The following TNPO3 variants were observed in gnomAD, a reference collection of about 807,000 sequenced individuals.
TNPO3 encodes transportin-3.
A neutral mutation model predicts 122.8 loss-of-function variants in TNPO3; 65 were observed. The ratio of observed to expected loss-of-function variants is 0.53; its 90% CI spans 0.43 to 0.65. The LOEUF is 0.65. Among genes scored for constraint, TNPO3 ranks in the 30% least tolerant of loss-of-function variants. TNPO3 has a pLI of 0.00. For synonymous variants in TNPO3, 372 were observed against 411.2 expected (o/e 0.90, Z 1.15); for missense variants, 850 against 1,136.7 (o/e 0.75, Z 3.63).
intron 1 of TNPO3, among the ~76,000 whole-genome samples, chr7:129,021,354 CAAAA>C (rs577989041): frequency 3.0e-5 from 2 of 66,696 alleles, no homozygotes. Flanking sequence ...GACTCCGTCT[CAAAA>C]AAAAAAAAAA....
At chr7:129,044,084 T>C (rs998855957) in intron 1 of TNPO3, among the ~76,000 whole-genome samples, 1 of 152,256 alleles carries the variant, frequency 6.6e-6, no homozygotes, top group Non-Finnish European at 1.5e-5. Flanking sequence ...AGTATTGTAA[T>C]AACGCATTAA....
chr7:128,968,698 T>C (rs1252848724), intron 20 of TNPO3, among the ~76,000 whole-genome samples: 2 of 152,134 alleles, frequency 1.3e-5, no homozygotes, highest in African/African-American at 2.4e-5. Context: ...AAATACATAA[T>C]AGTTGTTATA....
chr7:129,049,307 C>A (rs1808424283), intron 1 of TNPO3, among the ~76,000 whole-genome samples: 1 of 152,124 alleles, frequency 6.6e-6, no homozygotes, highest in Admixed American at 6.6e-5. Flanking sequence ...ACCAAAAGAT[C>A]AAGGTCCCAG....
At chr7:129,031,884 G>T (rs1345848323) in intron 1 of TNPO3, among the ~76,000 whole-genome samples, 1 of 152,026 alleles carries the variant, frequency 6.6e-6, no homozygotes, top group Non-Finnish European at 1.5e-5. Flanking sequence ...ATGGGGTGTT[G>T]CTATGTTGCC....
chr7:129,029,198 G>T, intron 1 of TNPO3: 1 of 167,748 alleles, frequency 6.0e-6, no homozygotes, highest in South Asian at 1.4e-4. Context: ...GCAGATTCTG[G>T]GGATGCCCCC....
chr7:128,984,059 C>G, intron 13 of TNPO3, 109 bp downstream of exon 13: 1 of 575,434 alleles, frequency 1.7e-6, no homozygotes, highest in East Asian at 3.2e-5. Context: ...AGTGCATTTT[C>G]TTGGATTTTC....
chr7:129,034,477 GC>G (rs1274501689), intron 1 of TNPO3, among the ~76,000 whole-genome samples: 1 of 152,176 alleles, frequency 6.6e-6, no homozygotes, highest in Non-Finnish European at 1.5e-5. Flanking sequence ...CTGCATTCCA[GC>G]CTGGAAGACA....
At chr7:129,040,452 T>A (rs892203729) in intron 1 of TNPO3, among the ~76,000 whole-genome samples, 2 of 152,126 alleles carry the variant, frequency 1.3e-5, no homozygotes, top group Admixed American at 6.5e-5. Flanking sequence ...GGGGAATGAT[T>A]TACTGGGAAG....
At chr7:128,987,640 G>A (rs773946913) in intron 11 of TNPO3, among the ~76,000 whole-genome samples, 1 of 152,136 alleles carries the variant, frequency 6.6e-6, no homozygotes, top group Non-Finnish European at 1.5e-5. Context: ...GAGTACAGTG[G>A]CACGATCTCA....
intron 1 of TNPO3, among the ~76,000 whole-genome samples, chr7:129,038,524 T>G (rs968303520): frequency 6.6e-6 from 1 of 152,176 alleles, no homozygotes; most frequent in African/African-American, 2.4e-5. Context: ...TAAAGACACA[T>G]GCATGCAAAT....
chr7:128,972,047 T>C (rs1225060445), intron 19 of TNPO3, among the ~76,000 whole-genome samples: 6 of 152,182 alleles, frequency 3.9e-5, no homozygotes, highest in Admixed American at 3.9e-4. Flanking sequence ...TCCTGGCTAC[T>C]CAGTAGCTGA....
At chr7:128,988,473 C>T (rs529892949) in intron 11 of TNPO3, among the ~76,000 whole-genome samples, 3 of 152,308 alleles carry the variant, frequency 2.0e-5, no homozygotes, top group African/African-American at 7.2e-5. Flanking sequence ...ATAATGTAGA[C>T]TTCTGTGATT....
At chr7:128,964,070 T>C (rs558883028) in intron 21 of TNPO3, among the ~76,000 whole-genome samples, 1 of 152,086 alleles carries the variant, frequency 6.6e-6, no homozygotes, top group African/African-American at 2.4e-5. Flanking sequence ...AAAAAACTTA[T>C]GAAAAAATTT....
intron 14 of TNPO3, among the ~76,000 whole-genome samples, chr7:128,980,480 T>C (rs541769435): frequency 6.6e-6 from 1 of 152,224 alleles, no homozygotes; most frequent in East Asian, 1.9e-4. Context: ...TGGTGGCGCA[T>C]GCCTGTAATC....
intron 16 of TNPO3, among the ~76,000 whole-genome samples, chr7:128,977,517 C>G (rs74692543): frequency 8.2e-4 from 125 of 152,318 alleles, no homozygotes; most frequent in Non-Finnish European, 1.4e-3. Flanking sequence ...AGTACCAACA[C>G]CGCACCAGCA....
chr7:129,018,559 T>C (rs1804098769), intron 1 of TNPO3, among the ~76,000 whole-genome samples: 1 of 152,214 alleles, frequency 6.6e-6, no homozygotes, highest in South Asian at 2.1e-4. Flanking sequence ...TAAAGCTTTG[T>C]TCACTCTAAG....
chr7:129,055,741 C>T (rs1563117121), upstream of TNPO3: 1 of 328,328 alleles, frequency 3.0e-6, no homozygotes, highest in Non-Finnish European at 5.7e-6. Context: ...GCCTTTCTGT[C>T]CGAATCCAAT....
chr7:128,955,602 C>T (rs1440280565), intron 22 of TNPO3, among the ~76,000 whole-genome samples: 3 of 152,180 alleles, frequency 2.0e-5, no homozygotes, highest in Non-Finnish European at 4.4e-5. Context: ...CTGCAGTGTG[C>T]TTCCAATGCT....
At chr7:129,008,857 T>C (rs560093232) in intron 4 of TNPO3, among the ~76,000 whole-genome samples, 17 of 152,340 alleles carry the variant, frequency 1.1e-4, no homozygotes, top group African/African-American at 4.1e-4. Context: ...TAATAAGACA[T>C]GATGTGTACA....
Sources: allele counts gnomAD v4.1 joint callset (sites outside exome capture counted in the v4.1 genomes callset), GRCh38; gene constraint gnomAD v4.1.1; transcripts MANE v1.5; gene names NCBI Gene and HGNC (gene_info 2026-07-23, HGNC 2026-07-21).